Variants in RUVBL1 observed in about 807,000 individuals in gnomAD.
RUVBL1 encodes RuvB like AAA ATPase 1.
Under a neutral mutation model 52.4 loss-of-function variants are expected in RUVBL1, and 4 were observed. That is an observed-to-expected ratio of 0.08 (90% CI 0.04 to 0.17). The LOEUF (loss-of-function observed/expected upper bound fraction) is 0.17. RUVBL1 is among the 10% of genes least tolerant of loss of function. The pLI is 1.00. For synonymous variants in RUVBL1, 217 were observed against 214.4 expected (o/e 1.01, Z -0.10); for missense variants, 298 against 572.8 (o/e 0.52, Z 4.90).
At chr3:128,147,913 A>G (rs1326780923) in intron 1 of RUVBL1, among the ~76,000 whole-genome samples, 1 of 152,236 alleles carries the variant, frequency 6.6e-6, no homozygotes, top group South Asian at 2.1e-4. Flanking sequence ...ACACAGTGAT[A>G]AAAAGGACCA....
At chr3:128,134,679 T>C (rs1034223448) in intron 1 of RUVBL1, among the ~76,000 whole-genome samples, 1 of 151,086 alleles carries the variant, frequency 6.6e-6, no homozygotes, top group African/African-American at 2.4e-5. Context: ...CACATGTCTG[T>C]AGTCCCAGCT....
intron 1 of RUVBL1, among the ~76,000 whole-genome samples, chr3:128,152,853 G>C (rs938479098): frequency 7.4e-6 from 1 of 134,940 alleles, no homozygotes; most frequent in Non-Finnish European, 1.6e-5. Context: ...TGCTGCTGGC[G>C]GGGGTGGCCA....
At chr3:128,069,932 A>C in intron 9 of RUVBL1, 1 of 360,836 alleles carries the variant, frequency 2.8e-6, no homozygotes, top group East Asian at 5.2e-5. Context: ...CCAAGTGTCC[A>C]TGTAACTTTT....
At chr3:128,079,484 G>C (rs891696006), downstream of RUVBL1, among the ~76,000 whole-genome samples, 4 of 152,214 alleles carry the variant, frequency 2.6e-5, no homozygotes, top group Non-Finnish European at 5.9e-5. Flanking sequence ...ATGGAACGCA[G>C]AGTGTGAACA....
chr3:128,098,916 G>A lies in RUVBL1; in HGVS notation c.783C>T (p.Gly261=). The A allele has an allele frequency of 6.2e-7, 1 of 1,613,964 alleles. No homozygotes were observed. Among genetic ancestry groups the A allele is most frequent in the Non-Finnish European group, 8.5e-7 (1 of 1,179,932 alleles). ...QGGQDILSMM[G]QLMKPKKTEI... Reference sequence around the variant, plus strand: ...CTGTCTTCTTTGGCTTCATTAGCTGGCCCATCATGGACAGGATATCTTGTC... The same window carrying A: ...CTGTCTTCTTTGGCTTCATTAGCTGACCCATCATGGACAGGATATCTTGTC... The change falls in exon 7 of 11, where the codon GGC becomes GGT. Residue 261 remains glycine (G), a synonymous_variant. Transcript: ENST00000322623.
upstream of RUVBL1, among the ~76,000 whole-genome samples, chr3:128,127,230 G>A (rs1380012590): frequency 6.6e-6 from 1 of 152,200 alleles, no homozygotes; most frequent in East Asian, 1.9e-4. Flanking sequence ...AGTGTAACAT[G>A]GCATTTACTT....
In RUVBL1 at chr3:128,097,341, G is replaced by A; in HGVS notation, c.975C>T (p.Pro325=). The A allele has an allele frequency of 1.2e-6, 2 of 1,614,202 alleles. No individual in the cohort carries two copies. The change falls in exon 8 of 11, where the codon CCC becomes CCT. Residue 325 remains proline, a synonymous_variant. Transcript: ENST00000322623. ...LHRALESSIA[P]IVIFASNRGN... ...CTCGGTTGGATGCAAAGATGACGAT[G>A]GGAGCGATAGAAGACTCCAGGGCGC...
intron 8 of RUVBL1, among the ~76,000 whole-genome samples, chr3:128,089,825 G>A (rs961115827): frequency 1.5e-4 from 22 of 145,058 alleles, no homozygotes; most frequent in African/African-American, 4.7e-4. Context: ...CATGAGAATC[G>A]CTTGAGCCCA....
At chr3:128,144,742 G>T (rs1259948579) in intron 1 of RUVBL1, among the ~76,000 whole-genome samples, 4 of 152,230 alleles carry the variant, frequency 2.6e-5, no homozygotes, top group Non-Finnish European at 4.4e-5. Flanking sequence ...TAGTGGGAGG[G>T]ATGGTAGGAC....
At chr3:128,132,931 G>T (rs1358147624) in intron 1 of RUVBL1, among the ~76,000 whole-genome samples, 1 of 152,198 alleles carries the variant, frequency 6.6e-6, no homozygotes, top group Non-Finnish European at 1.5e-5. Context: ...AGCACCGAGT[G>T]GTCTTTTGGG....
intron 3 of RUVBL1, among the ~76,000 whole-genome samples, chr3:128,112,604 G>A: frequency 6.6e-6 from 1 of 152,202 alleles, no homozygotes; most frequent in African/African-American, 2.4e-5. Flanking sequence ...AAGACTTCCA[G>A]GAAAATATGA....
rs71634799 is a variant in RUVBL1 at position 128,130,614 on chromosome 3, AT to A, written c.-39-11201del. ...TCTCTACAAAAAAAAAAAAAAAAAA[AT>A]TTTATTTATTTATGTATTTATTTAT... On this transcript the variant is annotated intron_variant, in intron 1 of 9. Transcript: ENST00000464873. 4.3e-3 allele frequency among the ~76,000 whole-genome samples: 449 copies of A among 105,364 alleles called. 11 individuals are homozygous for A. Among genetic ancestry groups the A allele is most frequent in the African/African-American group, 0.012 (257 of 21,636 alleles). The allele number at this position is 105,364 out of a possible 152,430, so 69.1% of individuals were successfully genotyped here. A position where few individuals can be genotyped will look rare whatever the true frequency, so the allele number is the denominator to read the frequency against.
intron 9 of RUVBL1, chr3:128,068,199 T>C (rs976905238): frequency 1.5e-5 from 10 of 650,980 alleles, no homozygotes; most frequent in East Asian, 1.1e-4. Context: ...TTAAATGTTA[T>C]ATATTTATAA....
chr3:128,140,224 G>GTTT (rs1246378506), intron 1 of RUVBL1, among the ~76,000 whole-genome samples: 1 of 13,780 alleles, frequency 7.3e-5, no homozygotes, highest in African/African-American at 4.9e-4. Context: ...AAGTTTTTTT[G>GTTT]TTTGTTTGTT....
chr3:128,136,026 T>C (rs1190047499), intron 1 of RUVBL1, among the ~76,000 whole-genome samples: 1 of 152,192 alleles, frequency 6.6e-6, no homozygotes, highest in East Asian at 1.9e-4. Flanking sequence ...TGGCAATTAG[T>C]GTTAAGTTGT....
chr3:128,096,827 CAA>C, intron 8 of RUVBL1, among the ~76,000 whole-genome samples: 1 of 139,054 alleles, frequency 7.2e-6, no homozygotes, highest in Admixed American at 7.2e-5. Context: ...ACTCTGTCCC[CAA>C]AAAAAAAAAG....
downstream of RUVBL1, among the ~76,000 whole-genome samples, chr3:128,076,310 A>G (rs1002772025): frequency 2.6e-5 from 4 of 152,140 alleles, no homozygotes; most frequent in African/African-American, 9.7e-5. The surrounding 1 kb of genome is among the most constrained non-coding windows in gnomAD (Gnocchi z 6.8). Context: ...GGCGTCCCCA[A>G]CAGCATGACC....
intron 7 of RUVBL1, 71 bp from the exon 8 acceptor site, chr3:128,097,569 C>G: frequency 1.4e-6 from 2 of 1,381,026 alleles, no homozygotes; most frequent in South Asian, 2.4e-5. Context: ...TTCTCCTCCA[C>G]CTGAATTCAA....
At chr3:128,141,564 T>G (rs967833603) in intron 1 of RUVBL1, among the ~76,000 whole-genome samples, 7 of 152,150 alleles carry the variant, frequency 4.6e-5, no homozygotes, top group African/African-American at 1.7e-4. Context: ...TGGCACAATC[T>G]CGGCTCACGG....
Sources: gnomAD v4.1 joint callset for allele counts (sites outside exome capture counted in the v4.1 genomes callset) on GRCh38, gnomAD v4.1.1 for gene constraint, Gnocchi (gnomAD v3.1) non-coding constraint, MANE v1.5 for transcripts, NCBI Gene and HGNC (gene_info 2026-07-23, HGNC 2026-07-21) for gene names.